Variants in PLEKHA7 observed in about 807,000 individuals in gnomAD.
PLEKHA7 encodes pleckstrin homology domain-containing family A member 7.
PLEKHA7 carries 104 observed loss-of-function variants against 170.0 expected under a neutral mutation model. That is an observed-to-expected ratio of 0.61 (90% confidence interval 0.52 to 0.72). The LOEUF is 0.72. Ranked by LOEUF, PLEKHA7 falls within the 30% of genes least tolerant of loss-of-function variation. The pLI, the probability that PLEKHA7 is intolerant of heterozygous loss-of-function variation, is 0.00. For missense variants in PLEKHA7, 1,615 were observed against 1,671.7 expected (o/e 0.97, Z 0.59); for synonymous variants, 648 against 660.8 (o/e 0.98, Z 0.30).
At chr11:16,910,396 A>G (rs1858161565) in intron 3 of PLEKHA7, among the ~76,000 whole-genome samples, 1 of 152,230 alleles carries the variant, frequency 6.6e-6, no homozygotes, top group African/African-American at 2.4e-5. Flanking sequence ...TGTAAGCCAA[A>G]GCAAAGATGA....
chr11:16,791,919 C>A lies in PLEKHA7; in HGVS notation c.2746-720G>T, dbSNP rs1590132032. 6.6e-6 allele frequency among the ~76,000 whole-genome samples: 1 copy of A among 152,122 alleles called. No homozygotes were observed. Among genetic ancestry groups the A allele is most frequent in the Admixed American group, 6.5e-5 (1 of 15,282 alleles). On this transcript the variant is annotated intron_variant, in intron 19 of 26. Transcript: ENST00000531066. This position sits in a 1 kb window ranked among gnomAD's most constrained non-coding sequence, Gnocchi z 4.5. Reference sequence around the variant, plus strand: ...ATATCAACAGACCGGCCCCTGGTTGCCATGAACACCCACTCGCAGGACTAA... The same window carrying A: ...ATATCAACAGACCGGCCCCTGGTTGACATGAACACCCACTCGCAGGACTAA...
In PLEKHA7 at chr11:16,826,427, G is replaced by A. The variant is rs1340484993; in HGVS notation, c.1036C>T (p.Arg346Cys). 8.1e-6 allele frequency: 13 copies of A among 1,614,098 alleles called. No individual in the cohort carries two copies. The highest frequency in any genetic ancestry group is 3.3e-4 in the Middle Eastern group (2 of 6,084). The change falls in exon 10 of 27, where the codon CGT becomes TGT. Residue 346 changes from arginine to cysteine, a missense_variant. Coordinates refer to ENST00000531066, the MANE Select transcript of PLEKHA7 (RefSeq NM_001329630.2). ...CCCTCCAGTGGGTCCCTCTGGGAAC[G>A]GTACTGCTCTCCCTCCTGCTCCTGC... Reference protein sequence around the residue: ...ERQEQEGEQYRSQRDPLEGKR... With the variant: ...ERQEQEGEQYCSQRDPLEGKR...
chr11:16,940,695 C>A (rs1860637087), intron 3 of PLEKHA7, among the ~76,000 whole-genome samples: 1 of 151,978 alleles, frequency 6.6e-6, no homozygotes, highest in African/African-American at 2.4e-5. Context: ...AGTAAGTGTT[C>A]AAAAATGAAG....
chr11:16,895,591 T>A (rs886454885), intron 3 of PLEKHA7, among the ~76,000 whole-genome samples: 9 of 152,198 alleles, frequency 5.9e-5, no homozygotes, highest in Admixed American at 2.0e-4. Context: ...CTGATGCATG[T>A]TAAACACCTC....
chr11:16,836,318 T>C (rs895021271), intron 9 of PLEKHA7, among the ~76,000 whole-genome samples: 11 of 152,182 alleles, frequency 7.2e-5, no homozygotes, highest in African/African-American at 2.2e-4. Context: ...TTGAACCCCA[T>C]TGCTTCTAAA....
chr11:17,014,347 C>T lies in PLEKHA7; in HGVS notation c.55G>A (p.Val19Met). The T allele has an allele frequency of 1.4e-6, 2 of 1,446,482 alleles. No homozygotes were observed. The highest frequency in any genetic ancestry group is 1.8e-6 in the Non-Finnish European group (2 of 1,094,702). 89.6% of individuals were successfully genotyped at this position (1,446,482 alleles called of 1,614,324 possible). A position where few individuals can be genotyped will look rare whatever the true frequency, so the allele number is the denominator to read the frequency against. Residue 19 changes from valine to methionine, a missense_variant, in exon 1 of 27, where the codon GTG (valine) becomes ATG (methionine). Physicochemically the swap from Val to Met is conservative, Grantham distance 21. Coordinates refer to ENST00000531066, the MANE Select transcript of PLEKHA7 (RefSeq NM_001329630.2). ...DTLPEHWSYG[V>M]CRDGRVFFIN... ...AAGAAGACGCGGCCATCCCGGCACA[C>T]CCCGTAGGACCAATGCTCAGGTAAA...
chr11:16,823,377 G>C (rs4756865), intron 10 of PLEKHA7, among the ~76,000 whole-genome samples: 5 of 151,814 alleles, frequency 3.3e-5, no homozygotes, highest in Admixed American at 3.3e-4. Flanking sequence ...AATCTCTGGC[G>C]TTGGGCCTCA....
At chr11:16,813,038 G>C in intron 13 of PLEKHA7, 75 bp downstream of exon 13, 1 of 1,354,302 alleles carries the variant, frequency 7.4e-7, no homozygotes, top group Non-Finnish European at 1.1e-6. Flanking sequence ...CTTTGGCTTT[G>C]GGCTTGGCTC....
At chr11:17,002,886 C>G (rs755971615) in intron 3 of PLEKHA7, among the ~76,000 whole-genome samples, 21 of 151,886 alleles carry the variant, frequency 1.4e-4, no homozygotes, top group Non-Finnish European at 2.1e-4. Context: ...CTCCTTCCCC[C>G]CAACACAATT....
chr11:16,947,967 A>G lies in PLEKHA7; in HGVS notation c.221+66022T>C, dbSNP rs531981696. On this transcript the variant is annotated intron_variant, in intron 3 of 26. Coordinates refer to ENST00000531066, the MANE Select transcript of PLEKHA7 (RefSeq NM_001329630.2). The stretch of plus-strand genomic sequence containing the variant: ...GAAAAAAAGAAAAGAAAACATGCAT[A>G]TATATACATAATGGAACACTAGTCT... 8.0e-5 allele frequency among the ~76,000 whole-genome samples: 12 copies of G among 150,932 alleles called. No homozygotes were observed. In the South Asian group the frequency reaches 2.5e-3, roughly 31 times the overall value.
chr11:16,972,895 C>T (rs530646195), intron 3 of PLEKHA7, among the ~76,000 whole-genome samples: 1 of 152,240 alleles, frequency 6.6e-6, no homozygotes, highest in South Asian at 2.1e-4. Context: ...CATAATAAAA[C>T]AAAGTGTTTC....
chr11:16,850,857 G>A (rs1852877300), intron 8 of PLEKHA7, among the ~76,000 whole-genome samples: 1 of 152,190 alleles, frequency 6.6e-6, no homozygotes, highest in Non-Finnish European at 1.5e-5. Flanking sequence ...GGGGTCACCA[G>A]TTGCATGAAA....
At chr11:16,790,671 C>T (rs1056787149) in intron 21 of PLEKHA7, 127 bp downstream of exon 21, 2 of 899,678 alleles carry the variant, frequency 2.2e-6, no homozygotes, top group African/African-American at 1.7e-5. Flanking sequence ...GCATCCCAGA[C>T]CCCCCTGACA....
At chr11:16,981,851 G>T (rs1863448445) in intron 3 of PLEKHA7, among the ~76,000 whole-genome samples, 1 of 152,172 alleles carries the variant, frequency 6.6e-6, no homozygotes, top group Non-Finnish European at 1.5e-5. Context: ...CCAGCAAGTG[G>T]CAACCAAACA....
intron 3 of PLEKHA7, among the ~76,000 whole-genome samples, chr11:16,998,199 A>G (rs1484977741): frequency 6.6e-6 from 1 of 152,214 alleles, no homozygotes; most frequent in African/African-American, 2.4e-5. Flanking sequence ...AAATAAACAA[A>G]TAAGTAGAAG....
In PLEKHA7 at chr11:16,854,941, A is replaced by G; in HGVS notation, c.470T>C (p.Ile157Thr). 6.2e-7 allele frequency: 1 copy of G among 1,614,116 alleles called. No individual in the cohort carries two copies. The highest frequency in any genetic ancestry group is 8.5e-7 in the Non-Finnish European group (1 of 1,180,026). ...VHSFGKRDQA[I>T]RRNPNVPVVV... ...CACGGGAACATTGGGGTTCCTCCGA[A>G]TGGCCTGGTCTCTCTTCCCAAAGCT... The change falls in exon 6 of 27, where the codon ATT becomes ACT. Residue 157 changes from isoleucine (I) to threonine (T), a missense_variant. Coordinates refer to ENST00000531066, the MANE Select transcript of PLEKHA7 (RefSeq NM_001329630.2).
At chr11:16,840,311 G>A (rs375619932) in intron 9 of PLEKHA7, among the ~76,000 whole-genome samples, 2 of 151,938 alleles carry the variant, frequency 1.3e-5, no homozygotes, top group African/African-American at 4.8e-5. Flanking sequence ...CTGTAATCCC[G>A]GCACTTTGGG....
intron 3 of PLEKHA7, among the ~76,000 whole-genome samples, chr11:16,875,593 G>A (rs967814121): frequency 7.2e-5 from 11 of 152,006 alleles, no homozygotes; most frequent in African/African-American, 2.7e-4. Context: ...ACTTACAGGT[G>A]CACACCACCA....
At chr11:17,012,281 TTACCTTTCTCC>T (rs142199753) in intron 3 of PLEKHA7, among the ~76,000 whole-genome samples, 5,194 of 152,208 alleles carry the variant, frequency 0.034, 316 homozygotes, top group African/African-American at 0.12. Flanking sequence ...TTTGCGGCAT[TTACCTTTCTCC>T]TACCTGTGAC....
Sources: allele counts gnomAD v4.1 joint callset (sites outside exome capture counted in the v4.1 genomes callset), GRCh38; gene constraint gnomAD v4.1.1; non-coding constraint Gnocchi (gnomAD v3.1); transcripts MANE v1.5; gene names NCBI Gene and HGNC (gene_info 2026-07-23, HGNC 2026-07-21).